Variants in ATP8B1 observed in about 807,000 individuals in gnomAD.
ATP8B1 encodes ATPase phospholipid transporting 8B1, also known as phospholipid-transporting ATPase IC.
Under a neutral mutation model 149.9 loss-of-function variants are expected in ATP8B1, and 80 were observed. The observed-to-expected ratio is 0.53, with a 90% CI of 0.45 to 0.64. The LOEUF (loss-of-function observed/expected upper bound fraction) is 0.64, where lower values mean the gene tolerates loss of function less well. ATP8B1 is among the 30% of genes least tolerant of loss of function. ATP8B1 has a pLI of 0.00. For synonymous variants in ATP8B1, 536 were observed against 562.8 expected, an observed-to-expected ratio of 0.95 and a Z score of 0.67; for missense variants, 1,247 against 1,552.6, an observed-to-expected ratio of 0.80 and a Z score of 3.31.
chr18:57,662,957 T>A lies in ATP8B1; in HGVS notation c.2286-342A>T, dbSNP rs140900982. ...TTTGTAGCAATAGGGTTTTGCCATA[T>A]CCCGGGCTTTGACCATTTTTAAGTG... On this transcript the variant is annotated intron_variant, in intron 20 of 27. Coordinates refer to ENST00000648908, the MANE Select transcript of ATP8B1 (RefSeq NM_001374385.1). 9.9e-5 allele frequency among the ~76,000 whole-genome samples: 15 copies of A among 152,276 alleles called. 1 individual carries two copies. The East Asian group carries it at 2.9e-3, about 29-fold the overall frequency.
chr18:57,655,332 A>G lies in ATP8B1; in HGVS notation c.2793T>C (p.Tyr931=). ...SSDYSFAQFR[Y]LQRLLLVHGR... ...CATGCACCAGCAGTAGCCTCTGCAGATATCGGAACTGAGCAAAGGAATAGT... is the reference window on the plus strand; with the variant it reads ...CATGCACCAGCAGTAGCCTCTGCAGGTATCGGAACTGAGCAAAGGAATAGT... The change falls in exon 23 of 28, where the codon TAT becomes TAC. Residue 931 remains tyrosine, a synonymous_variant. Coordinates refer to ENST00000648908, the MANE Select transcript of ATP8B1 (RefSeq NM_001374385.1). 1 of 1,614,198 alleles carries G rather than the reference A, an allele frequency of 6.2e-7. No individual in the cohort carries two copies. The highest frequency in any genetic ancestry group is 8.5e-7 in the Non-Finnish European group (1 of 1,180,026).
chr18:57,653,989 T>A lies in ATP8B1; in HGVS notation c.3015+3A>T, dbSNP rs1457397501. The A allele has an allele frequency of 4.3e-6, 7 of 1,612,618 alleles. No individual in the cohort carries two copies. The highest frequency in any genetic ancestry group is 5.1e-6 in the Non-Finnish European group (6 of 1,178,662). On this transcript the variant is annotated splice_donor_region_variant and intron_variant, in intron 24 of 27. Transcript: ENST00000648908. ...AGTGTCCCTGCTTGTGCGAGGCTCC[T>A]ACCTGGTCGAGCAGCCCCATGAGGA...
rs1290373119 is a variant in ATP8B1, at chr18:57,676,726, A to C, written c.1631-1704T>G. On this transcript the variant is annotated intron_variant, in intron 15 of 27. Transcript: ENST00000648908. ...GACCGAGACTCCATTTCAAAAAAAA[A>C]AAAAAAAAAAAAGAAAGAAAGAAAA... is the stretch of plus-strand genomic sequence containing the variant. 4.1e-4 allele frequency among the ~76,000 whole-genome samples: 62 copies of C among 151,472 alleles called. No homozygotes were observed. The East Asian group carries it at 0.012, about 28-fold the overall frequency.
intron 11 of ATP8B1, among the ~76,000 whole-genome samples, chr18:57,694,127 T>A (rs1912680729): frequency 6.6e-6 from 1 of 152,128 alleles, no homozygotes; most frequent in South Asian, 2.1e-4. Flanking sequence ...GTCTTGAGTG[T>A]CCTCGACATA....
At position 57,803,078 on chromosome 18, in the gene ATP8B1, G is replaced by A. The variant is rs1848701; in HGVS notation, c.-106C>T. 58,053 of 151,460 alleles carry A rather than the reference G, an allele frequency of 0.38. 12,007 individuals are homozygous for A. The highest frequency in any genetic ancestry group is 0.68 in the East Asian group (3,460 of 5,124). The allele number at this position is 151,460 out of a possible 1,614,324, so 9.4% of individuals were successfully genotyped here. On this transcript the variant is annotated 5_prime_UTR_variant, in exon 1 of 28. Coordinates refer to ENST00000648908, the MANE Select transcript of ATP8B1 (RefSeq NM_001374385.1). ...GCTCGCTGCGCACCTGGCCGCTGCC[G>A]CCGCCCGCCCGGCCCCAGCCCTGGC...
intron 16 of ATP8B1, among the ~76,000 whole-genome samples, 183 bp from the exon 17 acceptor site, chr18:57,671,763 C>G (rs1237912915): frequency 6.6e-6 from 1 of 152,140 alleles, no homozygotes; most frequent in Non-Finnish European, 1.5e-5. Context: ...GCTGGGACTA[C>G]AGGTGCATGC....
At chr18:57,715,016 T>C (rs1359679242) in intron 2 of ATP8B1, among the ~76,000 whole-genome samples, 2 of 152,140 alleles carry the variant, frequency 1.3e-5, no homozygotes, top group Non-Finnish European at 2.9e-5. Flanking sequence ...AATTCAAAAT[T>C]GCCATTTTGA....
intron 15 of ATP8B1, among the ~76,000 whole-genome samples, chr18:57,683,833 G>A (rs1413860764): frequency 1.3e-5 from 2 of 152,214 alleles, no homozygotes; most frequent in Non-Finnish European, 2.9e-5. Context: ...CTATGAATAA[G>A]TGTAAATTTT....
chr18:57,763,418 T>C (rs1451876053), intron 1 of ATP8B1, among the ~76,000 whole-genome samples: 1 of 152,012 alleles, frequency 6.6e-6, no homozygotes, highest in Non-Finnish European at 1.5e-5. Context: ...AATTGTACTC[T>C]AAAGATAGAG....
chr18:57,742,673 A>G (rs1156734530), intron 1 of ATP8B1, among the ~76,000 whole-genome samples: 1 of 152,012 alleles, frequency 6.6e-6, no homozygotes, highest in Non-Finnish European at 1.5e-5. Flanking sequence ...CTCTACAAAT[A>G]ATAATTTAAA....
At chr18:57,668,349 G>T in intron 19 of ATP8B1, 80 bp downstream of exon 19, 1 of 1,392,832 alleles carries the variant, frequency 7.2e-7, no homozygotes, top group Non-Finnish European at 1.0e-6. Flanking sequence ...AAAAGTCTGA[G>T]GAGGTCATCT....
chr18:57,706,175 C>G (rs534857943), intron 3 of ATP8B1, among the ~76,000 whole-genome samples: 8 of 152,264 alleles, frequency 5.3e-5, no homozygotes, highest in African/African-American at 1.9e-4. Flanking sequence ...TCCTTTCAAA[C>G]TCATTACTTT....
intron 2 of ATP8B1, among the ~76,000 whole-genome samples, chr18:57,710,684 G>T (rs1419009326): frequency 1.3e-5 from 2 of 152,196 alleles, no homozygotes; most frequent in Admixed American, 6.5e-5. Context: ...GCTGAGGCTG[G>T]AGTCCAATGA....
intron 22 of ATP8B1, among the ~76,000 whole-genome samples, chr18:57,660,557 C>T (rs1047723155): frequency 2.6e-5 from 4 of 152,146 alleles, no homozygotes; most frequent in African/African-American, 7.2e-5. Flanking sequence ...CTCACTCTGT[C>T]GTCCAGGCTG....
At chr18:57,748,165 T>A (rs2079982230) in intron 1 of ATP8B1, among the ~76,000 whole-genome samples, 1 of 152,092 alleles carries the variant, frequency 6.6e-6, no homozygotes, top group East Asian at 1.9e-4. Context: ...TGGCGTGCGT[T>A]TACAGAGAGC....
chr18:57,669,297 G>A (rs1307677313), intron 18 of ATP8B1, 21 bp downstream of exon 18: 1 of 1,577,118 alleles, frequency 6.3e-7, no homozygotes, highest in South Asian at 1.2e-5. Flanking sequence ...CAAAGAAAAA[G>A]TTATTAAGGC....
chr18:57,729,250 C>G (rs146228298), intron 2 of ATP8B1, among the ~76,000 whole-genome samples: 447 of 152,226 alleles, frequency 2.9e-3, no homozygotes, highest in African/African-American at 0.01. Context: ...GGCGTGCCAC[C>G]AAGCACCAAG....
At chr18:57,785,848 A>C (rs530976198) in intron 1 of ATP8B1, among the ~76,000 whole-genome samples, 3 of 152,332 alleles carry the variant, frequency 2.0e-5, no homozygotes, top group Admixed American at 1.3e-4. Context: ...CTAAGTTATG[A>C]AGTCCAAGAA....
At chr18:57,777,769 C>T (rs1000985010) in intron 1 of ATP8B1, among the ~76,000 whole-genome samples, 4 of 152,206 alleles carry the variant, frequency 2.6e-5, no homozygotes, top group Non-Finnish European at 5.9e-5. Context: ...AGGGTTTTGC[C>T]GTGTTGGCCA....
Sources: gnomAD v4.1 joint callset for allele counts (sites outside exome capture counted in the v4.1 genomes callset) on GRCh38, gnomAD v4.1.1 for gene constraint, MANE v1.5 for transcripts, NCBI Gene and HGNC (gene_info 2026-07-23, HGNC 2026-07-21) for gene names.